Variants in FBXO42 observed in about 807,000 individuals in gnomAD.
FBXO42 encodes F-box protein 42, also known as F-box only protein 42.
A neutral mutation model predicts 71.7 loss-of-function variants in FBXO42; 12 were observed. The observed-to-expected ratio is 0.17, with a 90% CI of 0.11 to 0.27. The LOEUF (loss-of-function observed/expected upper bound fraction) is 0.27. Among genes scored for constraint, FBXO42 ranks in the 10% least tolerant of loss-of-function variants. The pLI is 1.00. For missense variants in FBXO42, 707 were observed against 911.9 expected (o/e 0.78, Z 2.89); for synonymous variants, 325 against 327.5 (o/e 0.99, Z 0.08).
At chr1:16,337,002 A>AC (rs1306248208) in intron 1 of FBXO42, among the ~76,000 whole-genome samples, 5 of 152,086 alleles carry the variant, frequency 3.3e-5, no homozygotes, top group Non-Finnish European at 2.9e-5. Flanking sequence ...AATAATATAA[A>AC]CATTTCTGCA....
chr1:16,329,541 A>G (rs1430977518), intron 1 of FBXO42, among the ~76,000 whole-genome samples: 1 of 148,572 alleles, frequency 6.7e-6, no homozygotes, highest in Admixed American at 6.7e-5. Flanking sequence ...CCAAGATCGC[A>G]CCACTGCACT....
chr1:16,262,622 G>A (rs1389383702), intron 4 of FBXO42, among the ~76,000 whole-genome samples: 2 of 152,132 alleles, frequency 1.3e-5, no homozygotes, highest in Non-Finnish European at 2.9e-5. Flanking sequence ...CCTGGGAGGT[G>A]GAGGTTGCAG....
intron 4 of FBXO42, among the ~76,000 whole-genome samples, chr1:16,288,133 C>G (rs908218941): frequency 6.6e-6 from 1 of 151,158 alleles, no homozygotes; most frequent in African/African-American, 2.4e-5. Flanking sequence ...GAGTGAAACT[C>G]TGTCTCAAAC....
chr1:16,253,566 C>T, intron 7 of FBXO42, 69 bp downstream of exon 7: 1 of 1,433,782 alleles, frequency 7.0e-7, no homozygotes, highest in Non-Finnish European at 9.8e-7. Flanking sequence ...CTGACTCCCT[C>T]CTCCCTCTCC....
intron 3 of FBXO42, among the ~76,000 whole-genome samples, chr1:16,302,707 A>AC (rs1288892118): frequency 6.6e-6 from 1 of 152,158 alleles, no homozygotes; most frequent in Non-Finnish European, 1.5e-5. Flanking sequence ...ACGGGGTTTC[A>AC]CCATGTTGGC....
chr1:16,257,202 A>G (rs2081656052), intron 4 of FBXO42, among the ~76,000 whole-genome samples: 1 of 152,240 alleles, frequency 6.6e-6, no homozygotes, highest in Non-Finnish European at 1.5e-5. Context: ...ACCAGGGAGA[A>G]GTATACATAG....
At chr1:16,300,306 A>T (rs1420895116) in intron 3 of FBXO42, among the ~76,000 whole-genome samples, 1 of 152,208 alleles carries the variant, frequency 6.6e-6, no homozygotes, top group Non-Finnish European at 1.5e-5. Flanking sequence ...TTTACGACAC[A>T]TACTAATCAT....
In FBXO42 at chr1:16,251,961, C is replaced by T. The variant is rs186489547; in HGVS notation, c.1039-176G>A. On this transcript the variant is annotated intron_variant, in intron 9 of 9. Coordinates refer to ENST00000375592, the MANE Select transcript of FBXO42 (RefSeq NM_018994.3). The surrounding 1 kb of genome is among the most constrained non-coding windows in gnomAD (Gnocchi z 4.5). ...GCTAGAAGTCAGACATGGGAACAAT[C>T]GCTGCTTTGTGTGACATATGCTATC... Among the ~76,000 whole-genome samples, 10 of 152,286 alleles carry T rather than the reference C, an allele frequency of 6.6e-5. No homozygotes were observed. Among genetic ancestry groups the T allele is most frequent in the Admixed American group, 5.2e-4 (8 of 15,304 alleles).
intron 1 of FBXO42, among the ~76,000 whole-genome samples, chr1:16,327,707 T>C (rs58140441): frequency 1.1e-3 from 164 of 152,288 alleles, no homozygotes; most frequent in African/African-American, 3.8e-3. Flanking sequence ...GGGAAAGTTT[T>C]TGTTTTGTTT....
Position 16,318,551 on chromosome 1 carries a change from CAT to C in FBXO42, c.-17-3118_-17-3117del, listed in dbSNP as rs201691034. On this transcript the variant is annotated intron_variant, in intron 1 of 9. Coordinates refer to ENST00000375592, the MANE Select transcript of FBXO42 (RefSeq NM_018994.3). ...AAATTTTCTACAAAGAAAGCATACACATAGAGGCAGGCATCTCATTTATACTC... is the reference window on the plus strand; with the variant it reads ...AAATTTTCTACAAAGAAAGCATACACAGAGGCAGGCATCTCATTTATACTC... Among the ~76,000 whole-genome samples the C allele has an allele frequency of 1.1e-3, 169 of 152,272 alleles. No individual in the cohort carries two copies. The East Asian group carries it at 0.031, about 28-fold the overall frequency.
chr1:16,304,024 C>G (rs1019354104), intron 3 of FBXO42, among the ~76,000 whole-genome samples: 7 of 152,132 alleles, frequency 4.6e-5, no homozygotes, highest in Non-Finnish European at 8.8e-5. Context: ...ATGCTGTTCT[C>G]AAACTCCTGA....
At chr1:16,310,723 G>A (rs763082399) in intron 2 of FBXO42, among the ~76,000 whole-genome samples, 26 of 151,938 alleles carry the variant, frequency 1.7e-4, no homozygotes, top group Admixed American at 5.2e-4. Flanking sequence ...GGCCAGGCGC[G>A]GTGGCTCACG....
chr1:16,339,705 T>C (rs894542884), intron 1 of FBXO42, among the ~76,000 whole-genome samples: 1 of 152,204 alleles, frequency 6.6e-6, no homozygotes, highest in African/African-American at 2.4e-5. Context: ...TTATGAAAGG[T>C]AGATAATGTC....
chr1:16,279,070 C>T (rs2081934286), intron 4 of FBXO42, among the ~76,000 whole-genome samples: 1 of 152,292 alleles, frequency 6.6e-6, no homozygotes, highest in South Asian at 2.1e-4. Context: ...GCCACCGCGC[C>T]CAGCCTAGAC....
At chr1:16,307,359 G>C (rs1376014075) in intron 2 of FBXO42, among the ~76,000 whole-genome samples, 3 of 152,086 alleles carry the variant, frequency 2.0e-5, no homozygotes, top group Non-Finnish European at 4.4e-5. Context: ...AAATTAGCCA[G>C]GCATGGTGGT....
chr1:16,257,495 C>T (rs536372068), intron 4 of FBXO42, among the ~76,000 whole-genome samples: 25 of 151,990 alleles, frequency 1.6e-4, no homozygotes, highest in African/African-American at 5.8e-4. Flanking sequence ...TGAAAAAAAA[C>T]ACTTTGGCTT....
intron 7 of FBXO42, 22 bp downstream of exon 7, chr1:16,253,613 A>G (rs1407303699): frequency 6.2e-7 from 1 of 1,609,888 alleles, no homozygotes; most frequent in Non-Finnish European, 8.5e-7. Flanking sequence ...TTTGCTGAAT[A>G]GTTATTTTAA....
At chr1:16,351,766 T>C (rs2082704616) in intron 1 of FBXO42, among the ~76,000 whole-genome samples, 1 of 152,138 alleles carries the variant, frequency 6.6e-6, no homozygotes, top group East Asian at 1.9e-4. Context: ...AGCTAGGGGA[T>C]AGGAAAGGCC....
rs2081741437 is a variant in FBXO42, at chr1:16,263,776, C to CA, written c.503-7018dup. Among the ~76,000 whole-genome samples the CA allele has an allele frequency of 4.8e-5, 7 of 146,338 alleles. No individual in the cohort carries two copies. The South Asian group carries it at 8.7e-4, about 18-fold the overall frequency. The stretch of plus-strand genomic sequence containing the variant: ...AACCAAAAAACAAAACAAAACAAAA[C>CA]AAAAACAAAAAACCCACGGCCATAC... On this transcript the variant is annotated intron_variant, in intron 4 of 9. Transcript: ENST00000375592.
Sources: allele counts gnomAD v4.1 joint callset (sites outside exome capture counted in the v4.1 genomes callset), GRCh38; gene constraint gnomAD v4.1.1; non-coding constraint Gnocchi (gnomAD v3.1); transcripts MANE v1.5; gene names NCBI Gene and HGNC (gene_info 2026-07-23, HGNC 2026-07-21).